The following SNX29 variants were observed in gnomAD, a reference collection of about 807,000 sequenced individuals.
SNX29 encodes the protein sorting nexin-29.
Under a neutral mutation model 102.1 loss-of-function variants are expected in SNX29, and 78 were observed. The ratio of observed to expected loss-of-function variants is 0.76; its 90% CI spans 0.64 to 0.92. The LOEUF (loss-of-function observed/expected upper bound fraction) is 0.92, where lower values mean the gene tolerates loss of function less well. Among genes scored for constraint, SNX29 ranks in the 40% least tolerant of loss-of-function variants. The probability of loss-of-function intolerance (pLI) is 0.00; values close to 1 mark genes in which losing one functional copy is unlikely to be tolerated. For synonymous variants in SNX29, 580 were observed against 414.5 expected (o/e 1.40, Z -4.85); for missense variants, 1,280 against 1,061.7 (o/e 1.21, Z -2.86).
intron 20 of SNX29, among the ~76,000 whole-genome samples, chr16:12,537,090 C>A (rs572468721): frequency 6.6e-6 from 1 of 152,192 alleles, no homozygotes; most frequent in Non-Finnish European, 1.5e-5. Context: ...CATGTATCTC[C>A]ACCCACGGTC....
intron 10 of SNX29, 71 bp from the exon 11 acceptor site, chr16:12,078,762 A>G (rs2051712451): frequency 1.5e-6 from 2 of 1,329,982 alleles, no homozygotes; most frequent in African/African-American, 2.9e-5. Flanking sequence ...GACCTCTGCT[A>G]GTTTTTGGAA....
intron 3 of SNX29, among the ~76,000 whole-genome samples, chr16:12,016,101 G>C (rs1359129414): frequency 6.6e-6 from 1 of 150,984 alleles, no homozygotes; most frequent in East Asian, 2.0e-4. Flanking sequence ...CTGACCTCAA[G>C]TGATCTGCCC....
intron 13 of SNX29, among the ~76,000 whole-genome samples, chr16:12,131,670 A>G (rs1327508245): frequency 6.6e-6 from 1 of 152,114 alleles, no homozygotes; most frequent in East Asian, 1.9e-4. Context: ...TGTTCTGTAA[A>G]TCTACTTTAA....
chr16:12,472,912 C>T, intron 18 of SNX29, among the ~76,000 whole-genome samples: 1 of 152,220 alleles, frequency 6.6e-6, no homozygotes, highest in Non-Finnish European at 1.5e-5. Flanking sequence ...TATTACCCTC[C>T]TATTTAATCT....
intron 16 of SNX29, chr16:12,373,958 G>C (rs1184507961): frequency 6.6e-6 from 1 of 152,252 alleles, no homozygotes; most frequent in Non-Finnish European, 1.5e-5. Flanking sequence ...ATTTGGGTAT[G>C]AAATTATCCA....
intron 20 of SNX29, among the ~76,000 whole-genome samples, chr16:12,547,640 G>A (rs535814594): frequency 4.6e-4 from 70 of 152,202 alleles, no homozygotes; most frequent in Admixed American, 1.2e-3. Flanking sequence ...ATGGGATGGA[G>A]ATATGATTCC....
At chr16:12,379,225 C>G (rs1333836860) in intron 16 of SNX29, among the ~76,000 whole-genome samples, 2 of 152,212 alleles carry the variant, frequency 1.3e-5, no homozygotes, top group African/African-American at 2.4e-5. Flanking sequence ...CAGCCTCACC[C>G]TCCTGGGGTA....
chr16:12,124,754 G>A (rs553565789), intron 11 of SNX29, among the ~76,000 whole-genome samples: 2 of 152,292 alleles, frequency 1.3e-5, no homozygotes, highest in Admixed American at 6.5e-5. Flanking sequence ...TTTTATCTTA[G>A]ATCAGTTTCC....
intron 3 of SNX29, among the ~76,000 whole-genome samples, chr16:12,008,879 C>A (rs1373155030): frequency 7.9e-5 from 12 of 151,882 alleles, no homozygotes; most frequent in Admixed American, 7.2e-4. Context: ...GTAGCTGGGA[C>A]TATAGGTGCG....
intron 20 of SNX29, among the ~76,000 whole-genome samples, chr16:12,534,236 A>G (rs1439605760): frequency 1.3e-5 from 2 of 152,220 alleles, no homozygotes; most frequent in Non-Finnish European, 2.9e-5. Flanking sequence ...TCGTCGGGCT[A>G]GAGATGTCTG....
At chr16:12,097,429 T>C (rs1258372047) in intron 11 of SNX29, among the ~76,000 whole-genome samples, 1 of 152,240 alleles carries the variant, frequency 6.6e-6, no homozygotes, top group Non-Finnish European at 1.5e-5. Context: ...CGCATCTGGC[T>C]GGTTGTTCCC....
chr16:12,019,130 C>T (rs532103501), intron 3 of SNX29, among the ~76,000 whole-genome samples: 7 of 152,144 alleles, frequency 4.6e-5, no homozygotes, highest in South Asian at 2.1e-4. Context: ...TCTTGAAGCC[C>T]GAATACTTTT....
At chr16:12,233,575 C>G (rs1424977771) in intron 14 of SNX29, among the ~76,000 whole-genome samples, 1 of 152,082 alleles carries the variant, frequency 6.6e-6, no homozygotes, top group Non-Finnish European at 1.5e-5. Context: ...ACTTGTACCC[C>G]CGAATCTGAA....
chr16:12,373,921 C>G (rs943504897), intron 16 of SNX29: 11 of 152,238 alleles, frequency 7.2e-5, no homozygotes, highest in African/African-American at 2.7e-4. Flanking sequence ...TCTGGTTTTC[C>G]TGATGTCTCA....
chr16:12,211,051 C>G (rs1205198762), intron 14 of SNX29, among the ~76,000 whole-genome samples: 2 of 152,094 alleles, frequency 1.3e-5, no homozygotes, highest in Non-Finnish European at 2.9e-5. Context: ...TTCCCACCAC[C>G]TCCCTCACTT....
chr16:12,048,505 G>C lies in SNX29; in HGVS notation c.633G>C (p.Thr211=). 1 of 1,613,902 alleles carries C rather than the reference G, an allele frequency of 6.2e-7. No individual in the cohort carries two copies. The highest frequency in any genetic ancestry group is 1.1e-5 in the South Asian group (1 of 91,062). ...TGACCTCCTTGCTGAAGGAGTCCAC[G>C]CAAGGAGTGAGCAGCCTGTTCAGGG... ...QNVTSLLKES[T]QGVSSLFREI... Residue 211 remains threonine, a synonymous_variant, in exon 7 of 21, where the codon ACG becomes ACC. Coordinates refer to ENST00000566228, the MANE Select transcript of SNX29 (RefSeq NM_032167.5).
At chr16:12,548,153 C>G (rs764151584) in intron 20 of SNX29, among the ~76,000 whole-genome samples, 5 of 152,214 alleles carry the variant, frequency 3.3e-5, no homozygotes, top group African/African-American at 1.2e-4. Context: ...GTTCATTCTT[C>G]ATCTTGGCCA....
At chr16:12,404,577 A>T (rs1216631276) in intron 18 of SNX29, among the ~76,000 whole-genome samples, 2 of 152,132 alleles carry the variant, frequency 1.3e-5, no homozygotes, top group Non-Finnish European at 2.9e-5. Flanking sequence ...GCTCTCTGCA[A>T]ACCCTTGGAT....
intron 14 of SNX29, among the ~76,000 whole-genome samples, chr16:12,207,940 T>C (rs1366573220): frequency 6.6e-6 from 1 of 152,184 alleles, no homozygotes; most frequent in Admixed American, 6.5e-5. Flanking sequence ...TTTTTTCTTC[T>C]TTTATTAATC....
Sources: allele counts gnomAD v4.1 joint callset (sites outside exome capture counted in the v4.1 genomes callset), GRCh38; gene constraint gnomAD v4.1.1; transcripts MANE v1.5; gene names NCBI Gene and HGNC (gene_info 2026-07-23, HGNC 2026-07-21).